ARAP1: variants seen among roughly 807,000 people sequenced by gnomAD.
ARAP1 encodes the protein ArfGAP with RhoGAP domain, ankyrin repeat and PH domain 1.
In ARAP1, 76 loss-of-function variants were observed where a neutral mutation model predicts 172.2. The ratio of observed to expected loss-of-function variants is 0.44; its 90% confidence interval spans 0.37 to 0.53. The LOEUF is 0.53. ARAP1 is among the 20% of genes least tolerant of loss of function. ARAP1 has a pLI of 0.00. For missense variants in ARAP1, 1,686 were observed against 1,977.5 expected, an observed-to-expected ratio of 0.85 and a Z score of 2.80; for synonymous variants, 804 against 803.3, an observed-to-expected ratio of 1.00 and a Z score of -0.01.
Position 72,709,880 on chromosome 11 carries a change from G to A in ARAP1, c.1513C>T (p.Arg505Cys), listed in dbSNP as rs139972837. The stretch of plus-strand genomic sequence containing the variant: ...AAGATGGAGGGTCACCTGAAGATGC[G>A]GTAGGGCGTGGTGAGGTCGAAGCTG... ...RRSFDLTTPY[R>C]IFSFSADSEL... is the part of the protein sequence containing the mutation. The change falls in exon 11 of 35, where the codon CGC becomes TGC. Residue 505 changes from arginine (R) to cysteine (C), a missense_variant. Physicochemically the swap from Arg to Cys is radical, Grantham distance 180 (BLOSUM62 -3). Transcript: ENST00000393609. The A allele has an allele frequency of 1.4e-5, 23 of 1,614,144 alleles. No homozygotes were observed. Among genetic ancestry groups the A allele is most frequent in the Middle Eastern group, 1.6e-4 (1 of 6,062 alleles).
In ARAP1 at chr11:72,696,593, A is replaced by T; in HGVS notation, c.3228T>A (p.Pro1076=). 1 of 1,603,942 alleles carries T rather than the reference A, an allele frequency of 6.2e-7. No homozygotes were observed. Among genetic ancestry groups the T allele is most frequent in the Non-Finnish European group, 8.5e-7 (1 of 1,173,434 alleles). ...RYRELLVRLP[P]VNRATVKALI... The stretch of plus-strand genomic sequence containing the variant: ...GGGCCTTCACTGTGGCCCGGTTGAC[A>T]GGGGGCAGCCGCACCAGCAGCTCTC... Residue 1076 remains proline, a synonymous_variant, in exon 23 of 35, where the codon CCT becomes CCA. Transcript: ENST00000393609.
intron 3 of ARAP1, among the ~76,000 whole-genome samples, chr11:72,714,709 G>A (rs915422476): frequency 2.6e-5 from 4 of 152,172 alleles, no homozygotes; most frequent in African/African-American, 4.8e-5. Flanking sequence ...ACGGCAAAGA[G>A]AAGGGACAGG....
At chr11:72,705,715 G>A (rs895696329) in intron 13 of ARAP1, 90 bp downstream of exon 13, 26 of 1,381,714 alleles carry the variant, frequency 1.9e-5, no homozygotes, top group Admixed American at 7.4e-5. Flanking sequence ...AGGTGCTGTG[G>A]TCACTGAGAT....
chr11:72,712,258 C>A lies in ARAP1; in HGVS notation c.960G>T (p.Gly320=), dbSNP rs772398872. Reference sequence around the variant, plus strand: ...TGACTGGTGTGACGGGGGTGGAGCCCCCAGGCGGCCCGTCCATGGGGTGTG... The same window carrying A: ...TGACTGGTGTGACGGGGGTGGAGCCACCAGGCGGCCCGTCCATGGGGTGTG... ...AAPHPMDGPP[G]GSTPVTPVIK... The change falls in exon 7 of 35, where the codon GGG becomes GGT. Residue 320 remains glycine (G), a synonymous_variant. Coordinates refer to ENST00000393609, the MANE Select transcript of ARAP1 (RefSeq NM_001040118.3). The A allele has an allele frequency of 6.2e-7, 1 of 1,605,108 alleles. No individual in the cohort carries two copies. Among genetic ancestry groups the A allele is most frequent in the Non-Finnish European group, 8.5e-7 (1 of 1,175,436 alleles).
chr11:72,714,874 C>A (rs1436301935), intron 3 of ARAP1, among the ~76,000 whole-genome samples: 4 of 152,190 alleles, frequency 2.6e-5, no homozygotes, highest in African/African-American at 9.7e-5. Flanking sequence ...CTCAAACTCA[C>A]CTGATCCCAC....
chr11:72,718,508 C>A (rs1857378775), intron 3 of ARAP1, among the ~76,000 whole-genome samples: 1 of 152,020 alleles, frequency 6.6e-6, no homozygotes. Flanking sequence ...CAGAAGCCCA[C>A]CTCCACCTCA....
At chr11:72,730,175 T>C (rs1857819577) in intron 2 of ARAP1, among the ~76,000 whole-genome samples, 1 of 151,954 alleles carries the variant, frequency 6.6e-6, no homozygotes, top group African/African-American at 2.4e-5. Flanking sequence ...GGATCAATAA[T>C]CTAACAGAAA....
At chr11:72,714,094 G>A (rs983694903) in intron 4 of ARAP1, 58 bp downstream of exon 4, 2 of 1,393,148 alleles carry the variant, frequency 1.4e-6, no homozygotes, top group Admixed American at 6.9e-5. Flanking sequence ...CCAGAGGCCT[G>A]ATTCCAGGGA....
At chr11:72,708,913 T>G (rs1364277001) in intron 11 of ARAP1, among the ~76,000 whole-genome samples, 1 of 152,172 alleles carries the variant, frequency 6.6e-6, no homozygotes, top group Non-Finnish European at 1.5e-5. Context: ...AGCGTGCACC[T>G]GTAATCCCAG....
intron 1 of ARAP1, among the ~76,000 whole-genome samples, chr11:72,737,052 C>T (rs1858050306): frequency 6.6e-6 from 1 of 152,192 alleles, no homozygotes; most frequent in Non-Finnish European, 1.5e-5. Context: ...AAAAGTCTGC[C>T]CTGACTGCCC....
intron 30 of ARAP1, 26 bp downstream of exon 30, chr11:72,692,727 C>T: frequency 6.2e-7 from 1 of 1,613,634 alleles, no homozygotes; most frequent in Non-Finnish European, 8.5e-7. Context: ...TGTAAGGCAG[C>T]TGGCAGTCAG....
rs1156669405 is a variant in ARAP1, at chr11:72,741,950, C to T, written c.-127-9353G>A. ...GGGTGCAGGGGAACAGGGACCCAGA[C>T]CTGCCTACTCTCTAGATGGCCCCTG... On this transcript the variant is annotated intron_variant, in intron 1 of 34. Transcript: ENST00000393609. This position sits in a 1 kb window ranked among gnomAD's most constrained non-coding sequence, Gnocchi z 4.5. Among the ~76,000 whole-genome samples the T allele has an allele frequency of 1.3e-5, 2 of 152,110 alleles. No homozygotes were observed.
intron 1 of ARAP1, among the ~76,000 whole-genome samples, chr11:72,739,258 G>T (rs534390388): frequency 6.6e-6 from 1 of 152,130 alleles, no homozygotes; most frequent in East Asian, 1.9e-4. Context: ...GCACACTGGG[G>T]TCTCCTGTCC....
At chr11:72,713,515 G>T (rs1299602427) in intron 4 of ARAP1, among the ~76,000 whole-genome samples, 1 of 152,152 alleles carries the variant, frequency 6.6e-6, no homozygotes, top group Non-Finnish European at 1.5e-5. Context: ...ACTGTCAAAG[G>T]CAACAAGAAT....
intron 3 of ARAP1, among the ~76,000 whole-genome samples, chr11:72,724,635 C>T (rs373656999): frequency 1.3e-5 from 2 of 152,068 alleles, no homozygotes; most frequent in East Asian, 3.9e-4. Flanking sequence ...TACCACAGGG[C>T]TTTGAAGACC....
At position 72,741,695 on chromosome 11, in the gene ARAP1, C is replaced by A. The variant is rs1858204716; in HGVS notation, c.-127-9098G>T. ...CTGACCGCAGCAGGGTGGGAGTGCACAGGGCTGACCACAGAATCACAGGCA... is the reference window on the plus strand; with the variant it reads ...CTGACCGCAGCAGGGTGGGAGTGCAAAGGGCTGACCACAGAATCACAGGCA... On this transcript the variant is annotated intron_variant, in intron 1 of 34. Coordinates refer to ENST00000393609, the MANE Select transcript of ARAP1 (RefSeq NM_001040118.3). This position sits in a 1 kb window ranked among gnomAD's most constrained non-coding sequence, Gnocchi z 4.5. Among the ~76,000 whole-genome samples, 1 of 152,292 alleles carries A rather than the reference C, an allele frequency of 6.6e-6. No homozygotes were observed. Among genetic ancestry groups the A allele is most frequent in the Non-Finnish European group, 1.5e-5 (1 of 68,008 alleles).
At chr11:72,696,830 T>G in intron 22 of ARAP1, 153 bp downstream of exon 22, 2 of 986,088 alleles carry the variant, frequency 2.0e-6, no homozygotes, top group Non-Finnish European at 2.9e-6. Context: ...CCCCTGGCTC[T>G]GTATGGAGCG....
intron 1 of ARAP1, among the ~76,000 whole-genome samples, chr11:72,747,648 C>T (rs1268110101): frequency 2.0e-5 from 3 of 152,356 alleles, no homozygotes; most frequent in African/African-American, 7.2e-5. Flanking sequence ...CAAGTCACCA[C>T]CTTCTACTGG....
chr11:72,720,507 T>C lies in ARAP1; in HGVS notation c.509+6113A>G, dbSNP rs1445101033. The stretch of plus-strand genomic sequence containing the variant: ...AGCCGGGAGCCCCTAGGGCCAGTCC[T>C]CTCCATGCCGCCAGCAGTTCCCAGC... On this transcript the variant is annotated intron_variant, in intron 3 of 34. Transcript: ENST00000393609. Among the ~76,000 whole-genome samples, 6 of 152,190 alleles carry C rather than the reference T, an allele frequency of 3.9e-5. No homozygotes were observed. In the East Asian group the frequency reaches 1.2e-3, roughly 29 times the overall value.
Sources: gnomAD v4.1 joint callset for allele counts (sites outside exome capture counted in the v4.1 genomes callset) on GRCh38, gnomAD v4.1.1 for gene constraint, Gnocchi (gnomAD v3.1) non-coding constraint, MANE v1.5 for transcripts, NCBI Gene and HGNC (gene_info 2026-07-23, HGNC 2026-07-21) for gene names.